CCDC148: variants seen among roughly 807,000 people sequenced by gnomAD.
CCDC148 encodes coiled-coil domain containing 148, also known as coiled-coil domain-containing protein 148.
In CCDC148, 89 loss-of-function variants were observed where a neutral mutation model predicts 85.7. That is an observed-to-expected ratio of 1.04 (90% CI 0.87 to 1.24). The LOEUF is 1.24. Ranked by LOEUF, CCDC148 falls within the 50% of genes most tolerant of loss-of-function variation. The pLI is 0.00. For missense variants in CCDC148, 692 were observed against 671.7 expected, an observed-to-expected ratio of 1.03 and a Z score of -0.33; for synonymous variants, 230 against 213.9, an observed-to-expected ratio of 1.08 and a Z score of -0.66.
chr2:158,397,803 C>A (rs183766214), intron 1 of CCDC148, among the ~76,000 whole-genome samples: 5 of 152,140 alleles, frequency 3.3e-5, no homozygotes, highest in African/African-American at 1.2e-4. Context: ...AGTAAATGGG[C>A]TAGGTGCCCC....
At chr2:158,261,510 T>C (rs912872223) in intron 9 of CCDC148, among the ~76,000 whole-genome samples, 1 of 146,482 alleles carries the variant, frequency 6.8e-6, no homozygotes, top group Non-Finnish European at 1.5e-5. Flanking sequence ...AAATCGAAAA[T>C]TGACAAACAG....
At chr2:158,381,062 G>T (rs1684849501) in intron 1 of CCDC148, 1 of 152,074 alleles carries the variant, frequency 6.6e-6, no homozygotes, top group African/African-American at 2.4e-5. Context: ...AATTGGCAAA[G>T]ATTTCTTTTT....
intron 10 of CCDC148, among the ~76,000 whole-genome samples, chr2:158,243,943 A>T (rs998954975): frequency 3.3e-5 from 5 of 150,808 alleles, no homozygotes; most frequent in African/African-American, 1.2e-4. Context: ...ATTTCTGGTT[A>T]ATTTGTTTTC....
intron 1 of CCDC148, among the ~76,000 whole-genome samples, chr2:158,395,843 T>C (rs79733762): frequency 0.071 from 10,802 of 152,196 alleles, 530 homozygotes; most frequent in Middle Eastern, 0.11. Context: ...CTAACAGGAA[T>C]GTTATGGGAA....
At chr2:158,254,703 T>C in intron 9 of CCDC148, among the ~76,000 whole-genome samples, 1 of 151,622 alleles carries the variant, frequency 6.6e-6, no homozygotes, top group Non-Finnish European at 1.5e-5. Context: ...TTATAAATTT[T>C]AATGAAAATA....
At chr2:158,389,956 T>C (rs1685238558) in intron 1 of CCDC148, among the ~76,000 whole-genome samples, 1 of 152,318 alleles carries the variant, frequency 6.6e-6, no homozygotes, top group South Asian at 2.1e-4. Flanking sequence ...GTAATTCCCA[T>C]GCTTCAATAT....
intron 13 of CCDC148, among the ~76,000 whole-genome samples, 190 bp from the exon 14 acceptor site, chr2:158,172,449 C>A (rs1013461496): frequency 2.0e-5 from 3 of 151,934 alleles, no homozygotes; most frequent in Non-Finnish European, 4.4e-5. Context: ...TTCAGTACAT[C>A]AGTGGTTTCC....
At chr2:158,237,084 G>A (rs1326831537) in intron 10 of CCDC148, among the ~76,000 whole-genome samples, 1 of 152,152 alleles carries the variant, frequency 6.6e-6, no homozygotes, top group Non-Finnish European at 1.5e-5. Flanking sequence ...AGACATCTGG[G>A]AGAGCAGTGC....
At chr2:158,282,293 G>A in intron 9 of CCDC148, among the ~76,000 whole-genome samples, 1 of 152,156 alleles carries the variant, frequency 6.6e-6, no homozygotes. Context: ...TCAGGCAGAA[G>A]AAGGAAATAA....
chr2:158,239,271 T>G (rs1415366935), intron 10 of CCDC148, among the ~76,000 whole-genome samples: 2 of 151,998 alleles, frequency 1.3e-5, no homozygotes, highest in African/African-American at 4.8e-5. Context: ...TACATCTGGC[T>G]CCTGATTATC....
At chr2:158,247,980 C>T (rs551888922) in intron 10 of CCDC148, among the ~76,000 whole-genome samples, 5 of 152,200 alleles carry the variant, frequency 3.3e-5, no homozygotes, top group African/African-American at 1.2e-4. Context: ...TATACATGTG[C>T]CATGGTGGTT....
chr2:158,441,172 C>A (rs1296018099), intron 1 of CCDC148, among the ~76,000 whole-genome samples: 3 of 152,166 alleles, frequency 2.0e-5, no homozygotes, highest in Non-Finnish European at 4.4e-5. Flanking sequence ...GAAAGAGAAT[C>A]TGCACTACTA....
chr2:158,343,428 T>C (rs1005652752), intron 3 of CCDC148, among the ~76,000 whole-genome samples: 4 of 152,182 alleles, frequency 2.6e-5, no homozygotes, highest in Admixed American at 2.6e-4. Context: ...GACTACTTTG[T>C]AGGGTCGTTG....
intron 1 of CCDC148, among the ~76,000 whole-genome samples, chr2:158,454,473 G>C (rs945051024): frequency 1.3e-5 from 2 of 152,230 alleles, no homozygotes; most frequent in Non-Finnish European, 2.9e-5. Flanking sequence ...CATGACTGAA[G>C]GAGGTGAAGA....
intron 1 of CCDC148, among the ~76,000 whole-genome samples, chr2:158,375,872 G>A (rs1279393901): frequency 6.6e-6 from 1 of 152,172 alleles, no homozygotes; most frequent in African/African-American, 2.4e-5. Flanking sequence ...CTGTTGCAGA[G>A]AAGAAAGCCA....
chr2:158,237,680 G>C (rs1688168770), intron 10 of CCDC148, among the ~76,000 whole-genome samples: 1 of 152,120 alleles, frequency 6.6e-6, no homozygotes, highest in South Asian at 2.1e-4. Context: ...TATGAGTTTG[G>C]AGTTCAAAAG....
At chr2:158,175,566 T>C (rs1684538764) in intron 13 of CCDC148, among the ~76,000 whole-genome samples, 1 of 151,992 alleles carries the variant, frequency 6.6e-6, no homozygotes, top group Admixed American at 6.6e-5. Context: ...CCTTCCCCAG[T>C]AGGCTCTTTT....
At chr2:158,385,116 A>T (rs1425510056) in intron 1 of CCDC148, among the ~76,000 whole-genome samples, 1 of 152,138 alleles carries the variant, frequency 6.6e-6, no homozygotes, top group Non-Finnish European at 1.5e-5. Context: ...CCAGCCATGG[A>T]TAATCACCCT....
intron 8 of CCDC148, among the ~76,000 whole-genome samples, chr2:158,311,999 T>C (rs1212804689): frequency 1.3e-5 from 2 of 152,170 alleles, no homozygotes; most frequent in Admixed American, 1.3e-4. Flanking sequence ...ACATGTGTCT[T>C]CCAAAATTGA....
Sources: allele counts gnomAD v4.1 joint callset (sites outside exome capture counted in the v4.1 genomes callset), GRCh38; gene constraint gnomAD v4.1.1; transcripts MANE v1.5; gene names NCBI Gene and HGNC (gene_info 2026-07-23, HGNC 2026-07-21).